The following GFOD2 variants were observed in gnomAD, a reference collection of about 807,000 sequenced individuals.
GFOD2 encodes Gfo/Idh/MocA-like oxidoreductase domain containing 2.
Under a neutral mutation model 24.6 loss-of-function variants are expected in GFOD2, and 9 were observed. The observed-to-expected ratio is 0.37, with a 90% CI of 0.22 to 0.64. The LOEUF is 0.64. Ranked by LOEUF, GFOD2 falls within the 30% of genes least tolerant of loss-of-function variation. The pLI is 0.65. For synonymous variants in GFOD2, 211 were observed against 224.8 expected (o/e 0.94, Z 0.55); for missense variants, 476 against 532.5 (o/e 0.89, Z 1.04).
At chr16:67,677,784 T>C (rs2053193882) in intron 2 of GFOD2, 2 of 152,264 alleles carry the variant, frequency 1.3e-5, no homozygotes, top group Non-Finnish European at 2.9e-5. Flanking sequence ...TTGAAGCCCA[T>C]CTGGGCAATG....
At chr16:67,696,830 T>C (rs1439617156) in intron 1 of GFOD2, among the ~76,000 whole-genome samples, 1 of 152,104 alleles carries the variant, frequency 6.6e-6, no homozygotes, top group African/African-American at 2.4e-5. Flanking sequence ...CTTCATCAAC[T>C]CCCATAAAGG....
chr16:67,691,650 A>AC (rs374532934), intron 1 of GFOD2, among the ~76,000 whole-genome samples: 4 of 150,780 alleles, frequency 2.7e-5, no homozygotes, highest in South Asian at 2.1e-4. Flanking sequence ...TTCTGACTGT[A>AC]CCCCCCCAGG....
chr16:67,675,965 G>A lies in GFOD2; in HGVS notation c.348C>T (p.Leu116=). The change falls in exon 3 of 3, where the codon CTC becomes CTT. Residue 116 remains leucine, a synonymous_variant. Coordinates refer to ENST00000268797, the MANE Select transcript of GFOD2 (RefSeq NM_030819.4). ...GCAGCACGTTCCCTACCAGGCTCAT[G>A]AGCTGCGGGTAGTAGCGCGAGGCTG... ...MVTASRYYPQ[L]MSLVGNVLRF... 1 of 1,614,212 alleles carries A rather than the reference G, an allele frequency of 6.2e-7. No homozygotes were observed. The highest frequency in any genetic ancestry group is 8.5e-7 in the Non-Finnish European group (1 of 1,180,032).
At chr16:67,707,096 C>T (rs368242267) in intron 1 of GFOD2, among the ~76,000 whole-genome samples, 43 of 148,188 alleles carry the variant, frequency 2.9e-4, no homozygotes, top group African/African-American at 5.5e-4. Context: ...CAGTGGCTCA[C>T]GCCTGTAATC....
chr16:67,712,018 C>A (rs76241257), intron 1 of GFOD2, among the ~76,000 whole-genome samples: 1 of 152,112 alleles, frequency 6.6e-6, no homozygotes, highest in African/African-American at 2.4e-5. Context: ...TTGAAGACAA[C>A]AAATTTTTTG....
chr16:67,708,685 T>A (rs992235761), intron 1 of GFOD2, among the ~76,000 whole-genome samples: 3 of 152,116 alleles, frequency 2.0e-5, no homozygotes, highest in Admixed American at 6.5e-5. Flanking sequence ...CCTCACTTAG[T>A]GTCAGCCTCC....
chr16:67,711,505 C>T (rs1390649152), intron 1 of GFOD2, among the ~76,000 whole-genome samples: 1 of 152,154 alleles, frequency 6.6e-6, no homozygotes. Flanking sequence ...TTGGTGGTTC[C>T]ATTCAGTGTC....
chr16:67,717,177 T>C (rs2053513097), intron 1 of GFOD2, among the ~76,000 whole-genome samples: 1 of 152,216 alleles, frequency 6.6e-6, no homozygotes, highest in Middle Eastern at 3.2e-3. Flanking sequence ...ATTACAGGCA[T>C]GAGCTACTGC....
intron 1 of GFOD2, among the ~76,000 whole-genome samples, chr16:67,697,336 T>C (rs1182360778): frequency 3.9e-5 from 6 of 152,204 alleles, no homozygotes; most frequent in Non-Finnish European, 5.9e-5. Flanking sequence ...AGTCAGTACA[T>C]AGGGAATCTT....
chr16:67,712,746 T>C (rs2053484223), intron 1 of GFOD2, among the ~76,000 whole-genome samples: 1 of 116,212 alleles, frequency 8.6e-6, no homozygotes, highest in South Asian at 2.9e-4. Context: ...TGGCCACCCA[T>C]CGTCTGGGAT....
At position 67,685,676 on chromosome 16, in the gene GFOD2, T is replaced by G; in HGVS notation, c.40A>C (p.Ser14Arg). The change falls in exon 2 of 3, where the codon AGC becomes CGC. Residue 14 changes from serine (S) to arginine (R), a missense_variant. Ser to Arg is a moderately radical substitution (Grantham distance 110, BLOSUM62 -1). Coordinates refer to ENST00000268797, the MANE Select transcript of GFOD2 (RefSeq NM_030819.4). The stretch of plus-strand genomic sequence containing the variant: ...AGTGGGACCAGAACTCGGGCGGAGC[T>G]GCCAGTCCCAAACACGCCCACTCCT... ...LPGVGVFGTG[S>R]SARVLVPLLR... The G allele has an allele frequency of 6.2e-7, 1 of 1,613,754 alleles. No individual in the cohort carries two copies. Among genetic ancestry groups the G allele is most frequent in the Non-Finnish European group, 8.5e-7 (1 of 1,179,998 alleles).
chr16:67,707,176 T>C (rs556537839), intron 1 of GFOD2, among the ~76,000 whole-genome samples: 4 of 151,624 alleles, frequency 2.6e-5, no homozygotes, highest in African/African-American at 7.3e-5. Context: ...CTGGCCAACA[T>C]GGTGAAACCC....
rs140854869 is a variant in GFOD2, at chr16:67,681,382, G to A, written c.259+4075C>T. 866 of 985,342 alleles carry A rather than the reference G, an allele frequency of 8.8e-4. 9 individuals are homozygous for A. The African/African-American group carries it at 0.014, about 16-fold the overall frequency. 61.0% of individuals were successfully genotyped at this position (985,342 alleles called of 1,614,324 possible). A position where few individuals can be genotyped will look rare whatever the true frequency, so the allele number is the denominator to read the frequency against. ...TCCTGTTTCATGCCTCAAGAGGTGA[G>A]GAAAGAGGGAAAGACCTCTCTTCTT... On this transcript the variant is annotated intron_variant, in intron 2 of 2. Coordinates refer to ENST00000268797, the MANE Select transcript of GFOD2 (RefSeq NM_030819.4).
At chr16:67,710,497 T>TG (rs1412203909) in intron 1 of GFOD2, among the ~76,000 whole-genome samples, 5 of 152,162 alleles carry the variant, frequency 3.3e-5, no homozygotes, top group Non-Finnish European at 7.4e-5. Flanking sequence ...CCCGAGTAGC[T>TG]GGACTACAGG....
chr16:67,681,249 G>C (rs987844457), intron 2 of GFOD2: 1 of 985,330 alleles, frequency 1.0e-6, no homozygotes, highest in Non-Finnish European at 1.2e-6. Flanking sequence ...CTCGCTGCTG[G>C]CGACAGAGTG....
chr16:67,705,560 G>A (rs544382084), intron 1 of GFOD2, among the ~76,000 whole-genome samples: 8 of 152,248 alleles, frequency 5.3e-5, no homozygotes, highest in African/African-American at 9.6e-5. Flanking sequence ...GTGTCTCCCC[G>A]ATCCTATTAG....
At chr16:67,683,740 A>C (rs2053245099) in intron 2 of GFOD2, 1 of 1,228,242 alleles carries the variant, frequency 8.1e-7, no homozygotes. Flanking sequence ...AGAATGAGGG[A>C]GGAGATAAGT....
chr16:67,709,695 A>C (rs749331714), intron 1 of GFOD2, among the ~76,000 whole-genome samples: 1 of 151,700 alleles, frequency 6.6e-6, no homozygotes, highest in African/African-American at 2.4e-5. Flanking sequence ...GCTCACTGCA[A>C]CCTCTGCCTC....
Position 67,675,323 on chromosome 16 carries a change from G to A in GFOD2, c.990C>T (p.Thr330=). The change falls in exon 3 of 3, where the codon ACC becomes ACT. Residue 330 remains threonine, a synonymous_variant. Transcript: ENST00000268797. The stretch of plus-strand genomic sequence containing the variant: ...CGAAGGAGGCGGCCATGGAGACAGG[G>A]GTGCGGTCCCAGGTGCGGCGGTCGC... The part of the protein sequence containing the change: ...GQGDRRTWDR[T]PVSMAASFED... 1 of 1,613,224 alleles carries A rather than the reference G, an allele frequency of 6.2e-7. No individual in the cohort carries two copies. The highest frequency in any genetic ancestry group is 8.5e-7 in the Non-Finnish European group (1 of 1,180,012).
Sources: allele counts gnomAD v4.1 joint callset (sites outside exome capture counted in the v4.1 genomes callset), GRCh38; gene constraint gnomAD v4.1.1; transcripts MANE v1.5; gene names NCBI Gene and HGNC (gene_info 2026-07-23, HGNC 2026-07-21).